RGL1: variants seen among roughly 807,000 people sequenced by gnomAD.
RGL1 encodes ral guanine nucleotide dissociation stimulator-like 1.
RGL1 carries 24 observed loss-of-function variants against 95.2 expected under a neutral mutation model. The ratio of observed to expected loss-of-function variants is 0.25; its 90% CI spans 0.18 to 0.35. The LOEUF is 0.35. Among genes scored for constraint, RGL1 ranks in the 10% least tolerant of loss-of-function variants. RGL1 has a pLI of 1.00. For synonymous variants in RGL1, 329 were observed against 344.9 expected, an observed-to-expected ratio of 0.95 and a Z score of 0.51; for missense variants, 715 against 936.3, an observed-to-expected ratio of 0.76 and a Z score of 3.08.
rs189434002 is a variant in RGL1, at chr1:183,647,834, G to A, written c.-33+11333G>A. 100 of 1,614,172 alleles carry A rather than the reference G, an allele frequency of 6.2e-5. No individual in the cohort carries two copies. The East Asian group carries it at 1.5e-3, about 25-fold the overall frequency. ...TTTGAGGCATATTTAAGTGCCTTAC[G>A]ATATTCCTGGGTTTATTTGGGTTTT... On this transcript the variant is annotated intron_variant, in intron 1 of 18. Transcript: ENST00000304685.
At chr1:183,864,943 T>C (rs758868648) in intron 3 of RGL1, among the ~76,000 whole-genome samples, 1 of 152,178 alleles carries the variant, frequency 6.6e-6, no homozygotes, top group Non-Finnish European at 1.5e-5. Flanking sequence ...GGGCCTTTAA[T>C]CCCATTAGTA....
chr1:183,855,007 T>C (rs1014589126), intron 3 of RGL1, among the ~76,000 whole-genome samples: 1 of 152,240 alleles, frequency 6.6e-6, no homozygotes, highest in African/African-American at 2.4e-5. Context: ...GCTTATTTCA[T>C]GACTGTCTTT....
intron 1 of RGL1, among the ~76,000 whole-genome samples, chr1:183,643,262 T>TTTGTTTA: frequency 1.5e-5 from 2 of 136,498 alleles, no homozygotes; most frequent in South Asian, 4.7e-4. Context: ...GGTCCTGTTT[T>TTTGTTTA]TTTATTTATT....
At chr1:183,682,747 G>C (rs1653305582) in intron 1 of RGL1, among the ~76,000 whole-genome samples, 1 of 152,172 alleles carries the variant, frequency 6.6e-6, no homozygotes, top group Admixed American at 6.5e-5. Flanking sequence ...TCATTGATCT[G>C]TCTAAGATTG....
chr1:183,759,142 A>G (rs1257025466), intron 2 of RGL1, among the ~76,000 whole-genome samples: 2 of 152,214 alleles, frequency 1.3e-5, no homozygotes, highest in African/African-American at 2.4e-5. Context: ...GGCTCAGGAA[A>G]AAACAAAGGT....
chr1:183,817,615 T>TAA, intron 2 of RGL1, among the ~76,000 whole-genome samples: 1 of 152,240 alleles, frequency 6.6e-6, no homozygotes, highest in Non-Finnish European at 1.5e-5. Context: ...TTCCCTGTTC[T>TAA]CAGCTGACTT....
At chr1:183,706,851 G>A (rs576951688) in intron 1 of RGL1, among the ~76,000 whole-genome samples, 1 of 152,336 alleles carries the variant, frequency 6.6e-6, no homozygotes, top group Non-Finnish European at 1.5e-5. Flanking sequence ...TTTGAAGGCT[G>A]TCGTCAAGCT....
At chr1:183,902,699 T>C (rs777941076) in intron 12 of RGL1, 99 bp downstream of exon 12, 34 of 1,094,616 alleles carry the variant, frequency 3.1e-5, no homozygotes, top group East Asian at 4.8e-5. Flanking sequence ...AAAAATGAGT[T>C]AGCACCTACT....
intron 1 of RGL1, among the ~76,000 whole-genome samples, chr1:183,654,808 A>G (rs1391665121): frequency 1.3e-5 from 2 of 152,246 alleles, no homozygotes; most frequent in Non-Finnish European, 2.9e-5. Context: ...TTTTAGGGAT[A>G]GGCAACCCCA....
intron 1 of RGL1, among the ~76,000 whole-genome samples, chr1:183,723,725 G>T (rs564482183): frequency 6.6e-6 from 1 of 152,274 alleles, no homozygotes; most frequent in East Asian, 1.9e-4. Context: ...AACTTGAAAG[G>T]CAATCTAGGC....
intron 1 of RGL1, among the ~76,000 whole-genome samples, chr1:183,670,981 T>C (rs1266243717): frequency 6.6e-6 from 1 of 152,204 alleles, no homozygotes; most frequent in African/African-American, 2.4e-5. Flanking sequence ...TGACTCTCAG[T>C]TCTGCATGGC....
chr1:183,830,497 C>G (rs2102486028), intron 2 of RGL1, among the ~76,000 whole-genome samples: 1 of 152,116 alleles, frequency 6.6e-6, no homozygotes, highest in East Asian at 1.9e-4. Context: ...TCAGATACTC[C>G]CACTTGGAGT....
chr1:183,876,338 C>G (rs926157838), intron 4 of RGL1, among the ~76,000 whole-genome samples: 1 of 152,196 alleles, frequency 6.6e-6, no homozygotes, highest in Non-Finnish European at 1.5e-5. Flanking sequence ...CGATTGCAGT[C>G]GGTTGGAAAA....
chr1:183,760,032 C>G (rs1658572323), intron 2 of RGL1, among the ~76,000 whole-genome samples: 1 of 116,882 alleles, frequency 8.6e-6, no homozygotes, highest in African/African-American at 3.6e-5. Context: ...CAGACCACCT[C>G]AGTAAAGCAA....
chr1:183,746,834 C>A (rs1306763168), intron 2 of RGL1, among the ~76,000 whole-genome samples: 2 of 151,862 alleles, frequency 1.3e-5, no homozygotes, highest in Non-Finnish European at 2.9e-5. Flanking sequence ...GTGTGATGTT[C>A]CCCTCCCTGT....
intron 3 of RGL1, among the ~76,000 whole-genome samples, chr1:183,856,188 T>C (rs1223379534): frequency 6.6e-6 from 1 of 152,134 alleles, no homozygotes; most frequent in Middle Eastern, 3.2e-3. Context: ...AAGATTTTTG[T>C]TAGAACAGAT....
intron 4 of RGL1, among the ~76,000 whole-genome samples, chr1:183,877,742 C>G (rs1387288146): frequency 1.3e-5 from 2 of 152,168 alleles, no homozygotes; most frequent in African/African-American, 4.8e-5. Flanking sequence ...CCTTCTTAGG[C>G]TAAGCTACAG....
intron 6 of RGL1, 64 bp downstream of exon 6, chr1:183,883,974 T>G: frequency 6.4e-7 from 1 of 1,557,644 alleles, no homozygotes; most frequent in Non-Finnish European, 8.8e-7. Flanking sequence ...ATGGCACTGG[T>G]GCCCCGGTGA....
intron 4 of RGL1, among the ~76,000 whole-genome samples, chr1:183,877,354 T>C (rs1052193942): frequency 6.6e-6 from 1 of 152,260 alleles, no homozygotes; most frequent in African/African-American, 2.4e-5. Context: ...CGAAAAGCCA[T>C]TGGCCAGTAA....
Sources: allele counts gnomAD v4.1 joint callset (sites outside exome capture counted in the v4.1 genomes callset), GRCh38; gene constraint gnomAD v4.1.1; transcripts MANE v1.5; gene names NCBI Gene and HGNC (gene_info 2026-07-23, HGNC 2026-07-21).